The following NPEPPS variants were observed in gnomAD, a reference collection of about 807,000 sequenced individuals.
The protein encoded by NPEPPS is aminopeptidase puromycin sensitive.
NPEPPS carries 14 observed loss-of-function variants against 115.5 expected under a neutral mutation model. The ratio of observed to expected loss-of-function variants is 0.12; its 90% CI spans 0.08 to 0.19. The LOEUF is 0.19. NPEPPS is among the 10% of genes least tolerant of loss of function. NPEPPS has a pLI of 1.00. For synonymous variants in NPEPPS, 285 were observed against 390.6 expected, an observed-to-expected ratio of 0.73 and a Z score of 3.19; for missense variants, 523 against 1,110.8, an observed-to-expected ratio of 0.47 and a Z score of 7.52.
intron 16 of NPEPPS, 48 bp downstream of exon 16, chr17:47,604,097 G>T (rs1175750964): frequency 6.4e-7 from 1 of 1,567,060 alleles, no homozygotes; most frequent in Non-Finnish European, 8.7e-7. Context: ...CTGATTAAAA[G>T]ATTCTGTTTT....
At chr17:47,609,116 A>G (rs977818562) in intron 17 of NPEPPS, among the ~76,000 whole-genome samples, 7 of 152,016 alleles carry the variant, frequency 4.6e-5, no homozygotes, top group Admixed American at 2.6e-4. Context: ...TTCTGCAACT[A>G]TTTGAACATA....
intron 3 of NPEPPS, among the ~76,000 whole-genome samples, chr17:47,572,330 A>G (rs1263561149): frequency 3.9e-5 from 6 of 152,200 alleles, no homozygotes; most frequent in Admixed American, 1.3e-4. Flanking sequence ...GACCAAAGCA[A>G]GTAGCATGAC....
At chr17:47,609,310 G>A (rs564533640) in intron 17 of NPEPPS, among the ~76,000 whole-genome samples, 1 of 152,310 alleles carries the variant, frequency 6.6e-6, no homozygotes, top group Admixed American at 6.5e-5. Flanking sequence ...CATGGACACA[G>A]ATGCAGGTAA....
intron 3 of NPEPPS, among the ~76,000 whole-genome samples, chr17:47,574,677 A>G (rs1373320130): frequency 6.6e-6 from 1 of 152,018 alleles, no homozygotes; most frequent in Non-Finnish European, 1.5e-5. Context: ...TGCAGCCTCA[A>G]ACTCCTGGGT....
intron 12 of NPEPPS, among the ~76,000 whole-genome samples, chr17:47,595,553 C>G (rs1424299109): frequency 1.3e-5 from 2 of 152,058 alleles, no homozygotes; most frequent in Non-Finnish European, 2.9e-5. Context: ...GAATAAAAGA[C>G]CAGTTTTGGC....
chr17:47,613,280 T>TTC, intron 18 of NPEPPS, among the ~76,000 whole-genome samples: 1 of 132,942 alleles, frequency 7.5e-6, no homozygotes. Context: ...TTTTTTTTTT[T>TTC]TCTGAGACGG....
At chr17:47,546,902 A>C (rs756973723) in intron 2 of NPEPPS, among the ~76,000 whole-genome samples, 2 of 152,356 alleles carry the variant, frequency 1.3e-5, no homozygotes, top group East Asian at 3.9e-4. Flanking sequence ...TCACATTTTC[A>C]TAAGTATAAA....
chr17:47,585,989 A>G (rs1429911015), intron 6 of NPEPPS, 159 bp from the exon 7 acceptor site: 1 of 649,978 alleles, frequency 1.5e-6, no homozygotes. Context: ...CATTGTATTC[A>G]AAGTTTGGAG....
In NPEPPS at chr17:47,582,720, T is replaced by C. The variant is rs768092873; in HGVS notation, c.541-22T>C. The C allele has an allele frequency of 5.3e-6, 4 of 750,544 alleles. No individual in the cohort carries two copies. The South Asian group carries it at 5.8e-5, about 11-fold the overall frequency. 46.5% of individuals were successfully genotyped at this position (750,544 alleles called of 1,614,324 possible). ...TGTTAGGTTAATTCTAAGGTATTTA[T>C]ATTTCATATTCTTTTCTTAAGGCTA... On this transcript the variant is annotated intron_variant, in intron 4 of 22. Transcript: ENST00000322157.
At chr17:47,616,983 T>C (rs1363974739) in intron 19 of NPEPPS, among the ~76,000 whole-genome samples, 1 of 152,110 alleles carries the variant, frequency 6.6e-6, no homozygotes, top group Non-Finnish European at 1.5e-5. Context: ...TAAATTGTCT[T>C]GGAGACATAG....
At chr17:47,547,634 C>T (rs1339032579) in intron 2 of NPEPPS, among the ~76,000 whole-genome samples, 1 of 152,132 alleles carries the variant, frequency 6.6e-6, no homozygotes, top group Non-Finnish European at 1.5e-5. Context: ...GCTGGGATTA[C>T]AGCAAGAGCC....
chr17:47,572,327 GC>G (rs1436195400), intron 3 of NPEPPS, among the ~76,000 whole-genome samples: 2 of 152,132 alleles, frequency 1.3e-5, no homozygotes, highest in African/African-American at 4.8e-5. Flanking sequence ...ATTGACCAAA[GC>G]AAGTAGCATG....
chr17:47,595,746 G>A (rs1912822593), intron 12 of NPEPPS, among the ~76,000 whole-genome samples: 1 of 151,902 alleles, frequency 6.6e-6, no homozygotes, highest in African/African-American at 2.4e-5. Context: ...ACTTTGGGAG[G>A]CCGAGGCAGT....
chr17:47,571,801 G>A (rs1243991493), intron 3 of NPEPPS, among the ~76,000 whole-genome samples: 1 of 152,052 alleles, frequency 6.6e-6, no homozygotes, highest in African/African-American at 2.4e-5. Context: ...TGAAAAGGAA[G>A]GAGATTCTTC....
intron 1 of NPEPPS, among the ~76,000 whole-genome samples, chr17:47,536,799 C>T (rs1327012572): frequency 2.0e-5 from 3 of 148,088 alleles, no homozygotes; most frequent in African/African-American, 7.5e-5. Context: ...GCAACCTCTG[C>T]CTCCCAGGCT....
chr17:47,536,164 G>C (rs1394700697), intron 1 of NPEPPS, among the ~76,000 whole-genome samples: 2 of 151,936 alleles, frequency 1.3e-5, no homozygotes, highest in Admixed American at 1.3e-4. Flanking sequence ...TATTTTACCT[G>C]TGCCAGAGAA....
intron 13 of NPEPPS, among the ~76,000 whole-genome samples, chr17:47,599,052 C>G (rs1913038283): frequency 6.6e-6 from 1 of 152,140 alleles, no homozygotes; most frequent in Admixed American, 6.5e-5. Context: ...GCTCTTAATT[C>G]TTTTAAGAAT....
intron 15 of NPEPPS, chr17:47,601,973 G>GA (rs1164710556): frequency 0.088 from 29,075 of 328,558 alleles, no homozygotes; most frequent in South Asian, 0.15. Context: ...AGGAGGAGAA[G>GA]AAAAAAAAAA....
chr17:47,612,632 T>G, intron 18 of NPEPPS, 30 bp downstream of exon 18: 2 of 1,597,202 alleles, frequency 1.3e-6, no homozygotes, highest in Non-Finnish European at 1.7e-6. Flanking sequence ...TCCCTTGACT[T>G]ATAGGTAACA....
Sources: gnomAD v4.1 joint callset for allele counts (sites outside exome capture counted in the v4.1 genomes callset) on GRCh38, gnomAD v4.1.1 for gene constraint, MANE v1.5 for transcripts, NCBI Gene and HGNC (gene_info 2026-07-23, HGNC 2026-07-21) for gene names.